GRIK3: variants seen among roughly 807,000 people sequenced by gnomAD.
GRIK3 encodes glutamate receptor ionotropic, kainate 3.
GRIK3 carries 29 observed loss-of-function variants against 102.5 expected under a neutral mutation model. The observed-to-expected ratio is 0.28, with a 90% CI of 0.21 to 0.39. The LOEUF (loss-of-function observed/expected upper bound fraction) is 0.39, where lower values mean the gene tolerates loss of function less well. GRIK3 is among the 10% of genes least tolerant of loss of function. The probability of loss-of-function intolerance (pLI) is 1.00; values close to 1 mark genes in which losing one functional copy is unlikely to be tolerated. For synonymous variants in GRIK3, 511 were observed against 504.9 expected (o/e 1.01, Z -0.16); for missense variants, 908 against 1,252.4 (o/e 0.73, Z 4.15).
At chr1:36,971,462 T>C (rs2124357676) in intron 1 of GRIK3, among the ~76,000 whole-genome samples, 1 of 152,362 alleles carries the variant, frequency 6.6e-6, no homozygotes, top group African/African-American at 2.4e-5. Flanking sequence ...CTGCCAATTC[T>C]GAGGGCCTGC....
intron 1 of GRIK3, among the ~76,000 whole-genome samples, chr1:37,004,805 T>C (rs1382604911): frequency 6.6e-6 from 1 of 152,242 alleles, no homozygotes; most frequent in Non-Finnish European, 1.5e-5. Context: ...ACACCTGTTA[T>C]GTGTAACTTG....
At chr1:36,924,872 T>C (rs951056527) in intron 1 of GRIK3, among the ~76,000 whole-genome samples, 4 of 152,088 alleles carry the variant, frequency 2.6e-5, no homozygotes, top group African/African-American at 7.2e-5. Context: ...TGCACAGACT[T>C]ACTCTCAACA....
chr1:36,879,956 C>G (rs1640950984), intron 3 of GRIK3, among the ~76,000 whole-genome samples: 1 of 152,132 alleles, frequency 6.6e-6, no homozygotes, highest in Admixed American at 6.5e-5. Context: ...GCGAGCAGAG[C>G]TGGGCACGTG....
At chr1:36,982,457 G>A (rs1412918804) in intron 1 of GRIK3, among the ~76,000 whole-genome samples, 1 of 152,214 alleles carries the variant, frequency 6.6e-6, no homozygotes, top group Non-Finnish European at 1.5e-5. Flanking sequence ...CTTAATGTGT[G>A]GCATATGGAC....
At chr1:36,913,922 G>T (rs1380222303) in intron 1 of GRIK3, among the ~76,000 whole-genome samples, 1 of 152,166 alleles carries the variant, frequency 6.6e-6, no homozygotes, top group Non-Finnish European at 1.5e-5. Flanking sequence ...TGCTGCCAAA[G>T]CTACTCCTGC....
intron 1 of GRIK3, among the ~76,000 whole-genome samples, chr1:36,895,157 CT>C (rs2124276926): frequency 6.6e-6 from 1 of 152,256 alleles, no homozygotes; most frequent in South Asian, 2.1e-4. Flanking sequence ...CTCCTCACCC[CT>C]TACCACTAAA....
chr1:37,019,822 C>G (rs916338907), intron 1 of GRIK3, among the ~76,000 whole-genome samples: 1 of 152,150 alleles, frequency 6.6e-6, no homozygotes. Flanking sequence ...ATCAAAAAGC[C>G]CCAAATCCCC....
intron 8 of GRIK3, among the ~76,000 whole-genome samples, chr1:36,852,078 C>T (rs902520165): frequency 1.3e-5 from 2 of 152,262 alleles, no homozygotes; most frequent in African/African-American, 4.8e-5. Context: ...GCTGGAAGAT[C>T]GCTTGATGAG....
Position 36,880,938 on chromosome 1 carries a change from G to A in GRIK3, c.293-47C>T. The A allele has an allele frequency of 4.5e-6, 7 of 1,547,014 alleles. No homozygotes were observed. The highest frequency in any genetic ancestry group is 6.1e-6 in the Non-Finnish European group (7 of 1,143,482). The stretch of plus-strand genomic sequence containing the variant: ...CACAGGGGTCAGCACTGGGGCTGTG[G>A]GTATGGGGACAGTGATGCTGATGAT... On this transcript the variant is annotated intron_variant, in intron 2 of 15. Coordinates refer to ENST00000373091, the MANE Select transcript of GRIK3 (RefSeq NM_000831.4). The surrounding 1 kb of genome is among the most constrained non-coding windows in gnomAD (Gnocchi z 5.4).
intron 1 of GRIK3, among the ~76,000 whole-genome samples, chr1:37,006,956 C>G (rs1195488156): frequency 6.6e-6 from 1 of 152,226 alleles, no homozygotes; most frequent in Admixed American, 6.5e-5. Context: ...TATCACCAGA[C>G]TCGCTTCCTA....
intron 1 of GRIK3, among the ~76,000 whole-genome samples, chr1:37,015,688 C>T (rs1213194232): frequency 6.6e-6 from 1 of 152,178 alleles, no homozygotes; most frequent in African/African-American, 2.4e-5. Flanking sequence ...GTGGGCAGGT[C>T]AGCCTCTCCC....
chr1:36,956,572 C>T (rs921306493), intron 1 of GRIK3, among the ~76,000 whole-genome samples: 1 of 152,146 alleles, frequency 6.6e-6, no homozygotes, highest in Non-Finnish European at 1.5e-5. Flanking sequence ...TCGACCATCA[C>T]ATGCCATGGC....
intron 1 of GRIK3, among the ~76,000 whole-genome samples, chr1:36,994,982 G>A (rs1642404783): frequency 6.6e-6 from 1 of 152,076 alleles, no homozygotes; most frequent in African/African-American, 2.4e-5. Flanking sequence ...AGACCAAAGA[G>A]AGCTCACACA....
chr1:36,825,037 C>T (rs1642740566), intron 11 of GRIK3, among the ~76,000 whole-genome samples: 1 of 152,192 alleles, frequency 6.6e-6, no homozygotes, highest in Non-Finnish European at 1.5e-5. Flanking sequence ...TCCTACCACC[C>T]ACCAGCCAGG....
intron 10 of GRIK3, among the ~76,000 whole-genome samples, chr1:36,830,810 CA>C (rs948901521): frequency 0.034 from 1,398 of 41,336 alleles, 8 homozygotes; most frequent in East Asian, 0.06. Context: ...GACTCTGTCT[CA>C]AAAAAAAAAA....
At chr1:37,030,553 C>T (rs868390505) in intron 1 of GRIK3, among the ~76,000 whole-genome samples, 5 of 136,316 alleles carry the variant, frequency 3.7e-5, no homozygotes, top group Admixed American at 1.4e-4. Flanking sequence ...CCCCCTCCCC[C>T]CCCCCAACAC....
At chr1:36,812,410 C>T (rs548962429) in intron 13 of GRIK3, among the ~76,000 whole-genome samples, 11 of 152,250 alleles carry the variant, frequency 7.2e-5, no homozygotes, top group Admixed American at 4.6e-4. Context: ...AGCTGTCTTC[C>T]GATGTCCTCT....
intron 1 of GRIK3, among the ~76,000 whole-genome samples, chr1:36,975,945 G>A (rs1002368959): frequency 1.3e-5 from 2 of 152,320 alleles, no homozygotes; most frequent in East Asian, 1.9e-4. Flanking sequence ...CATGAAATTC[G>A]AATGAGCAGG....
At chr1:37,011,368 T>C (rs1196286304) in intron 1 of GRIK3, among the ~76,000 whole-genome samples, 1 of 152,232 alleles carries the variant, frequency 6.6e-6, no homozygotes, top group African/African-American at 2.4e-5. Context: ...CACTATTAGT[T>C]AATTTTGCCC....
Sources: gnomAD v4.1 joint callset for allele counts (sites outside exome capture counted in the v4.1 genomes callset) on GRCh38, gnomAD v4.1.1 for gene constraint, Gnocchi (gnomAD v3.1) non-coding constraint, MANE v1.5 for transcripts, NCBI Gene and HGNC (gene_info 2026-07-23, HGNC 2026-07-21) for gene names.